The following EVL variants were observed in gnomAD, a reference collection of about 807,000 sequenced individuals.
EVL encodes the protein Enah/Vasp-like, also known as ena/VASP-like protein.
A neutral mutation model predicts 59.6 loss-of-function variants in EVL; 21 were observed. That is an observed-to-expected ratio of 0.35 (90% confidence interval 0.25 to 0.51). The LOEUF (loss-of-function observed/expected upper bound fraction) is 0.51, where lower values mean the gene tolerates loss of function less well. Ranked by LOEUF, EVL falls within the 20% of genes least tolerant of loss-of-function variation. The pLI, the probability that EVL is intolerant of heterozygous loss-of-function variation, is 0.97. For missense variants in EVL, 462 were observed against 546.6 expected (o/e 0.85, Z 1.54); for synonymous variants, 198 against 203.5 (o/e 0.97, Z 0.23).
At chr14:100,038,771 G>GTGTGTGTGTGTGTGTGTGTGT (rs1555415168) in intron 1 of EVL, among the ~76,000 whole-genome samples, 1 of 140,916 alleles carries the variant, frequency 7.1e-6, no homozygotes, top group Non-Finnish European at 1.5e-5. Flanking sequence ...TGTGCCCTGG[G>GTGTGTGTGTGTGTGTGTGTGT]GTGTGTGTGT....
At chr14:99,998,561 A>T (rs1194832757) in intron 1 of EVL, among the ~76,000 whole-genome samples, 2 of 152,218 alleles carry the variant, frequency 1.3e-5, no homozygotes, top group Non-Finnish European at 2.9e-5. Flanking sequence ...TGTAAAAATC[A>T]TACTTGCTCA....
intron 3 of EVL, among the ~76,000 whole-genome samples, chr14:100,118,662 T>C (rs1182951517): frequency 1.3e-5 from 2 of 152,118 alleles, no homozygotes; most frequent in Admixed American, 6.6e-5. Flanking sequence ...TCATATAGAC[T>C]CTGCCCTGAG....
chr14:100,005,602 AAAAC>A (rs1226142033), intron 1 of EVL, among the ~76,000 whole-genome samples: 1 of 150,982 alleles, frequency 6.6e-6, no homozygotes, highest in Non-Finnish European at 1.5e-5. Context: ...TCCTAGGAGA[AAAAC>A]AAAAAGTATG....
chr14:100,074,107 C>T (rs2062110631), intron 1 of EVL, among the ~76,000 whole-genome samples: 1 of 152,174 alleles, frequency 6.6e-6, no homozygotes, highest in Admixed American at 6.5e-5. Flanking sequence ...AGCCAGGGCT[C>T]AGGAGCGGGC....
At chr14:100,081,375 ATG>A (rs2062299964) in intron 1 of EVL, among the ~76,000 whole-genome samples, 2 of 152,166 alleles carry the variant, frequency 1.3e-5, no homozygotes, top group Admixed American at 1.3e-4. Context: ...AGTAGAATAA[ATG>A]TGTGTATTTT....
chr14:100,075,867 T>C (rs1595137535), intron 1 of EVL, among the ~76,000 whole-genome samples: 4 of 152,180 alleles, frequency 2.6e-5, no homozygotes, highest in African/African-American at 9.7e-5. Flanking sequence ...TCAGCTCCGG[T>C]TTACAGACAA....
chr14:100,019,053 A>C (rs1445501748), intron 1 of EVL, among the ~76,000 whole-genome samples: 1 of 152,270 alleles, frequency 6.6e-6, no homozygotes, highest in East Asian at 1.9e-4. Flanking sequence ...TGGTGGACAT[A>C]AAATGCGACT....
At chr14:100,129,749 G>A (rs1377064799) in intron 7 of EVL, 65 bp downstream of exon 7, 12 of 1,458,200 alleles carry the variant, frequency 8.2e-6, no homozygotes, top group South Asian at 5.7e-5. Context: ...CGCCCCCAGC[G>A]CTGCACAGAG....
At chr14:100,006,226 A>G (rs898570970) in intron 1 of EVL, among the ~76,000 whole-genome samples, 1 of 152,008 alleles carries the variant, frequency 6.6e-6, no homozygotes, top group Non-Finnish European at 1.5e-5. Context: ...GGCACAACTT[A>G]TACAATTACT....
chr14:100,087,139 A>G (rs1410435987), intron 2 of EVL, among the ~76,000 whole-genome samples: 2 of 152,222 alleles, frequency 1.3e-5, no homozygotes, highest in Non-Finnish European at 1.5e-5. Context: ...TCATTCTCCC[A>G]GTAAGGATAA....
chr14:100,012,414 T>G (rs1047321754), intron 1 of EVL, among the ~76,000 whole-genome samples: 1 of 152,248 alleles, frequency 6.6e-6, no homozygotes, highest in Non-Finnish European at 1.5e-5. Flanking sequence ...TTACATGATT[T>G]TATCTTCTTG....
Position 100,127,142 on chromosome 14 carries a change from G to A in EVL, c.487+371G>A, listed in dbSNP as rs921600658. Among the ~76,000 whole-genome samples the A allele has an allele frequency of 6.6e-5, 10 of 152,226 alleles. No individual in the cohort carries two copies. The highest frequency in any genetic ancestry group is 1.4e-4 in the African/African-American group (6 of 41,452). On this transcript the variant is annotated intron_variant, in intron 5 of 13. Coordinates refer to ENST00000392920, the MANE Select transcript of EVL (RefSeq NM_016337.3). The surrounding 1 kb of genome is among the most constrained non-coding windows in gnomAD (Gnocchi z 4.2). ...AGTGAACCCACCCTTGTCATGTCAC[G>A]TAGTGAACACTGTGGCAAGTGACGT...
chr14:100,036,150 G>T (rs895887369), intron 1 of EVL, among the ~76,000 whole-genome samples: 1 of 152,148 alleles, frequency 6.6e-6, no homozygotes, highest in African/African-American at 2.4e-5. Context: ...TGTGAACTGT[G>T]CATGCAAAGG....
At chr14:100,015,497 G>A (rs1462325666) in intron 1 of EVL, among the ~76,000 whole-genome samples, 3 of 152,190 alleles carry the variant, frequency 2.0e-5, no homozygotes, top group South Asian at 4.1e-4. Flanking sequence ...TGGGGCTAGG[G>A]AGGGTATTCT....
chr14:99,976,589 G>A (rs956786884), intron 1 of EVL, among the ~76,000 whole-genome samples: 1 of 151,854 alleles, frequency 6.6e-6, no homozygotes, highest in African/African-American at 2.4e-5. Flanking sequence ...ATTATTTGTA[G>A]GAATAATTTG....
intron 1 of EVL, among the ~76,000 whole-genome samples, chr14:100,066,720 G>A (rs1387405169): frequency 6.6e-6 from 1 of 152,164 alleles, no homozygotes; most frequent in Non-Finnish European, 1.5e-5. Flanking sequence ...ATTCTACCGT[G>A]TCAATTACTA....
At chr14:100,012,195 T>A (rs1484091771) in intron 1 of EVL, among the ~76,000 whole-genome samples, 1 of 152,228 alleles carries the variant, frequency 6.6e-6, no homozygotes, top group African/African-American at 2.4e-5. Flanking sequence ...TAGAAAATCC[T>A]ATACCCCAGC....
chr14:100,078,705 T>G (rs943378), intron 1 of EVL, among the ~76,000 whole-genome samples: 2 of 152,008 alleles, frequency 1.3e-5, no homozygotes, highest in East Asian at 1.9e-4. Context: ...CCCACCCTTG[T>G]GATGGTTATG....
chr14:99,983,162 A>G (rs1308132373), intron 1 of EVL, among the ~76,000 whole-genome samples: 4 of 152,148 alleles, frequency 2.6e-5, no homozygotes, highest in Non-Finnish European at 4.4e-5. Flanking sequence ...ATGACTTCAT[A>G]TGTGATAAAT....
Sources: allele counts gnomAD v4.1 joint callset (sites outside exome capture counted in the v4.1 genomes callset), GRCh38; gene constraint gnomAD v4.1.1; non-coding constraint Gnocchi (gnomAD v3.1); transcripts MANE v1.5; gene names NCBI Gene and HGNC (gene_info 2026-07-23, HGNC 2026-07-21).